The following FRMD4A variants were observed in gnomAD, a reference collection of about 807,000 sequenced individuals.
The protein encoded by FRMD4A is FERM domain containing 4A.
Under a neutral mutation model 129.1 loss-of-function variants are expected in FRMD4A, and 29 were observed. That is an observed-to-expected ratio of 0.22 (90% CI 0.17 to 0.31). The LOEUF (loss-of-function observed/expected upper bound fraction) is 0.31, where lower values mean the gene tolerates loss of function less well. Ranked by LOEUF, FRMD4A falls within the 10% of genes least tolerant of loss-of-function variation. The pLI is 1.00. For missense variants in FRMD4A, 1,272 were observed against 1,375.8 expected (o/e 0.92, Z 1.19); for synonymous variants, 634 against 571.6 (o/e 1.11, Z -1.56).
chr10:14,309,017 C>T (rs568200969), intron 2 of FRMD4A, among the ~76,000 whole-genome samples: 35 of 152,290 alleles, frequency 2.3e-4, no homozygotes, highest in Non-Finnish European at 4.0e-4. Context: ...CCTTTCCTTC[C>T]GTCTCCGTTT....
At chr10:13,689,442 A>G (rs921307471) in intron 15 of FRMD4A, among the ~76,000 whole-genome samples, 3 of 152,054 alleles carry the variant, frequency 2.0e-5, no homozygotes, top group Admixed American at 2.0e-4. Flanking sequence ...CAGTGTGACA[A>G]AGGCTTACAA....
intron 2 of FRMD4A, chr10:14,003,604 G>A (rs1259522209): frequency 1.3e-5 from 2 of 152,198 alleles, no homozygotes; most frequent in Non-Finnish European, 2.9e-5. Flanking sequence ...CTGGGTCAGA[G>A]CCCTCATAGG....
At chr10:13,891,755 C>A in intron 2 of FRMD4A, 1 of 982,822 alleles carries the variant, frequency 1.0e-6, no homozygotes, top group Non-Finnish European at 1.2e-6. Context: ...CCGCAGCTGG[C>A]GAGCCCCCGC....
chr10:14,249,147 T>C (rs1273880723), intron 2 of FRMD4A, among the ~76,000 whole-genome samples: 1 of 152,030 alleles, frequency 6.6e-6, no homozygotes, highest in Non-Finnish European at 1.5e-5. Flanking sequence ...GGTCAGGAGT[T>C]CGAGACCAGC....
chr10:14,105,185 T>C (rs1837524012), intron 2 of FRMD4A, among the ~76,000 whole-genome samples: 1 of 152,210 alleles, frequency 6.6e-6, no homozygotes, highest in Non-Finnish European at 1.5e-5. Context: ...CTTTTCATGG[T>C]CACTTGTTTT....
At chr10:13,797,885 T>A (rs997895248) in intron 4 of FRMD4A, among the ~76,000 whole-genome samples, 7 of 126,476 alleles carry the variant, frequency 5.5e-5, no homozygotes, top group African/African-American at 1.8e-4. Flanking sequence ...AACCCCTTTT[T>A]GAGGCTTCAC....
At chr10:14,155,698 G>T (rs1401469035) in intron 2 of FRMD4A, among the ~76,000 whole-genome samples, 1 of 152,196 alleles carries the variant, frequency 6.6e-6, no homozygotes, top group Non-Finnish European at 1.5e-5. Flanking sequence ...TAATAAAATT[G>T]AAAGTTAGAA....
intron 22 of FRMD4A, chr10:13,655,399 A>T (rs1307679965): frequency 6.6e-6 from 1 of 152,172 alleles, no homozygotes; most frequent in Non-Finnish European, 1.5e-5. Context: ...GATCATACTC[A>T]AGATCTTCCT....
At chr10:13,651,734 A>G (rs1267462971) in intron 24 of FRMD4A, 169 bp downstream of exon 24, 1 of 615,012 alleles carries the variant, frequency 1.6e-6, no homozygotes, top group Admixed American at 2.9e-5. Flanking sequence ...CATAATTTTG[A>G]TGTAAGAACC....
chr10:14,003,361 G>A (rs897131056), intron 2 of FRMD4A, among the ~76,000 whole-genome samples: 12 of 152,274 alleles, frequency 7.9e-5, no homozygotes, highest in African/African-American at 2.9e-4. Flanking sequence ...GAGAGATGAC[G>A]AAGTTCATCG....
chr10:14,024,798 G>A (rs1034354068), intron 2 of FRMD4A, among the ~76,000 whole-genome samples: 1 of 152,234 alleles, frequency 6.6e-6, no homozygotes, highest in Non-Finnish European at 1.5e-5. Context: ...TGGGGTGAAA[G>A]CAAGAGTGGG....
At chr10:14,117,332 G>T (rs1589011486) in intron 2 of FRMD4A, among the ~76,000 whole-genome samples, 1 of 152,202 alleles carries the variant, frequency 6.6e-6, no homozygotes, top group African/African-American at 2.4e-5. Context: ...AGCTAATGAG[G>T]TGGCCCTAGC....
intron 6 of FRMD4A, among the ~76,000 whole-genome samples, chr10:13,771,929 C>CA (rs201421882): frequency 0.014 from 2,107 of 151,246 alleles, 93 homozygotes; most frequent in South Asian, 0.12. Flanking sequence ...GAAACAAAAC[C>CA]AAACAAAACA....
chr10:14,326,663 C>T (rs1459770421), intron 2 of FRMD4A: 1 of 395,302 alleles, frequency 2.5e-6, no homozygotes, highest in African/African-American at 2.1e-5. Context: ...ACCCTTGAAG[C>T]CCCTTGGTTA....
At chr10:13,728,428 C>G (rs1393074223) in intron 12 of FRMD4A, among the ~76,000 whole-genome samples, 1 of 88,810 alleles carries the variant, frequency 1.1e-5, no homozygotes, top group Non-Finnish European at 2.7e-5. Flanking sequence ...GAAGCAAACT[C>G]AAGTCAGTTG....
chr10:13,660,080 T>C (rs995143550), intron 20 of FRMD4A, among the ~76,000 whole-genome samples: 1 of 152,202 alleles, frequency 6.6e-6, no homozygotes, highest in Non-Finnish European at 1.5e-5. Context: ...ATTCAAACCA[T>C]CTGCCATCAC....
intron 12 of FRMD4A, among the ~76,000 whole-genome samples, chr10:13,715,630 A>C (rs2088707951): frequency 6.6e-6 from 1 of 152,154 alleles, no homozygotes; most frequent in Admixed American, 6.6e-5. Flanking sequence ...AGACTGGTGC[A>C]GTCAGTGGCT....
At chr10:14,186,597 T>A (rs1434442258) in intron 2 of FRMD4A, among the ~76,000 whole-genome samples, 1 of 152,200 alleles carries the variant, frequency 6.6e-6, no homozygotes, top group African/African-American at 2.4e-5. Context: ...ACAAACATGA[T>A]GGTCTAGGGA....
chr10:13,890,800 G>T (rs1229381159), intron 2 of FRMD4A: 8 of 985,282 alleles, frequency 8.1e-6, no homozygotes, highest in Non-Finnish European at 8.4e-6. Context: ...CGGGGGGCTG[G>T]CATGGCTGCA....
Sources: allele counts gnomAD v4.1 joint callset (sites outside exome capture counted in the v4.1 genomes callset), GRCh38; gene constraint gnomAD v4.1.1; transcripts MANE v1.5; gene names NCBI Gene and HGNC (gene_info 2026-07-23, HGNC 2026-07-21).